Variants in EYS observed in about 807,000 individuals in gnomAD.
EYS encodes the protein protein eyes shut homolog.
Under a neutral mutation model 282.1 loss-of-function variants are expected in EYS, and 250 were observed. The ratio of observed to expected loss-of-function variants is 0.89; its 90% CI spans 0.80 to 0.98. EYS has a LOEUF of 0.98. Ranked by LOEUF, EYS falls within the 50% of genes least tolerant of loss-of-function variation. EYS has a pLI of 0.00. For synonymous variants in EYS, 1,355 were observed against 1,282.9 expected (o/e 1.06, Z -1.20); for missense variants, 4,016 against 3,709.0 (o/e 1.08, Z -2.15).
chr6:64,362,914 T>C (rs995354029), intron 29 of EYS, among the ~76,000 whole-genome samples: 10 of 151,942 alleles, frequency 6.6e-5, no homozygotes, highest in East Asian at 2.0e-4. Context: ...ATCATGTGAA[T>C]ATCCTTGTCA....
At chr6:63,727,998 A>G (rs1768684691) in intron 41 of EYS, among the ~76,000 whole-genome samples, 1 of 151,552 alleles carries the variant, frequency 6.6e-6, no homozygotes, top group Non-Finnish European at 1.5e-5. Context: ...TGTTTCTGAC[A>G]TAGGGGTTCC....
At chr6:64,549,753 T>C (rs1469494888) in intron 26 of EYS, among the ~76,000 whole-genome samples, 5 of 127,386 alleles carry the variant, frequency 3.9e-5, no homozygotes, top group Admixed American at 2.5e-4. Context: ...TTTTTTTTTA[T>C]ACTTTAAGTT....
chr6:64,036,764 CT>C (rs1408364923), intron 33 of EYS, among the ~76,000 whole-genome samples: 1 of 152,172 alleles, frequency 6.6e-6, no homozygotes, highest in African/African-American at 2.4e-5. Context: ...CTGCTAAATA[CT>C]TTGCCTATAT....
chr6:65,592,406 A>G (rs1765262179), intron 2 of EYS, among the ~76,000 whole-genome samples: 1 of 152,000 alleles, frequency 6.6e-6, no homozygotes. Flanking sequence ...TATGAAACAG[A>G]TATTTTATTA....
intron 22 of EYS, among the ~76,000 whole-genome samples, chr6:64,627,245 T>C (rs1451924642): frequency 6.6e-6 from 1 of 152,204 alleles, no homozygotes; most frequent in Non-Finnish European, 1.5e-5. Flanking sequence ...AATAGACAAG[T>C]AGCCGACACA....
At chr6:64,716,342 C>T (rs975952327) in intron 22 of EYS, among the ~76,000 whole-genome samples, 1 of 152,130 alleles carries the variant, frequency 6.6e-6, no homozygotes, top group Non-Finnish European at 1.5e-5. Context: ...TTTGCAATTG[C>T]GATATTGGTT....
chr6:64,570,474 C>T (rs542410094), intron 26 of EYS, among the ~76,000 whole-genome samples: 4 of 152,026 alleles, frequency 2.6e-5, no homozygotes, highest in Non-Finnish European at 4.4e-5. Context: ...GGCTAAATGC[C>T]TCAATTGAAA....
intron 5 of EYS, among the ~76,000 whole-genome samples, chr6:65,435,482 G>A (rs1165064922): frequency 6.6e-6 from 1 of 151,910 alleles, no homozygotes; most frequent in Non-Finnish European, 1.5e-5. Flanking sequence ...AAATGATTAT[G>A]TAAGCATGTT....
chr6:65,443,131 T>C (rs1026807427), intron 5 of EYS, among the ~76,000 whole-genome samples: 1 of 144,002 alleles, frequency 6.9e-6, no homozygotes, highest in Non-Finnish European at 1.6e-5. Flanking sequence ...TATGTACACA[T>C]CATACATATA....
At chr6:63,927,101 A>G (rs1268944254) in intron 35 of EYS, among the ~76,000 whole-genome samples, 1 of 152,222 alleles carries the variant, frequency 6.6e-6, no homozygotes, top group African/African-American at 2.4e-5. Context: ...TTGGGTTCTT[A>G]GTCTGTTCTG....
intron 32 of EYS, among the ~76,000 whole-genome samples, chr6:64,074,607 T>G (rs2149862392): frequency 6.6e-6 from 1 of 151,874 alleles, no homozygotes; most frequent in African/African-American, 2.4e-5. Flanking sequence ...CATTTATAAA[T>G]ATTCAAAAGA....
intron 11 of EYS, chr6:65,331,547 A>C: frequency 7.3e-6 from 7 of 964,796 alleles, no homozygotes; most frequent in Non-Finnish European, 8.6e-6. Context: ...GACAATATCA[A>C]GAACTCATTA....
intron 13 of EYS, among the ~76,000 whole-genome samples, chr6:65,016,123 G>T (rs537010264): frequency 2.5e-4 from 38 of 150,992 alleles, no homozygotes; most frequent in African/African-American, 8.0e-4. Context: ...CAGCACTTTG[G>T]GAGGCCGAGG....
At chr6:64,216,356 A>G (rs111873645) in intron 31 of EYS, among the ~76,000 whole-genome samples, 4,126 of 152,296 alleles carry the variant, frequency 0.027, 58 homozygotes, top group African/African-American at 0.042. Flanking sequence ...TCCAAACAGC[A>G]TCTTTTATCC....
chr6:64,798,330 T>C (rs571281300), intron 22 of EYS, among the ~76,000 whole-genome samples: 13 of 152,038 alleles, frequency 8.6e-5, no homozygotes, highest in African/African-American at 2.4e-4. Context: ...TTTTCATCCA[T>C]ACAGATATAA....
chr6:65,252,768 AAAG>A (rs1014006948), intron 12 of EYS, among the ~76,000 whole-genome samples: 28 of 152,042 alleles, frequency 1.8e-4, no homozygotes. Flanking sequence ...TAAAATATAT[AAAG>A]AAGAATTGAA....
intron 11 of EYS, among the ~76,000 whole-genome samples, chr6:65,302,120 A>C (rs1582117984): frequency 6.6e-6 from 1 of 152,140 alleles, no homozygotes; most frequent in African/African-American, 2.4e-5. Flanking sequence ...GTTTTTGAGG[A>C]GATAACTAAC....
intron 12 of EYS, among the ~76,000 whole-genome samples, chr6:65,200,453 T>A (rs1765873776): frequency 6.6e-6 from 1 of 151,254 alleles, no homozygotes; most frequent in Non-Finnish European, 1.5e-5. Context: ...AAAAGATCTT[T>A]CAGCATAAAA....
intron 41 of EYS, among the ~76,000 whole-genome samples, chr6:63,752,351 C>A (rs998104145): frequency 6.6e-6 from 1 of 150,880 alleles, no homozygotes; most frequent in African/African-American, 2.5e-5. Context: ...TAGCTTATGA[C>A]AATATATTTA....
Sources: gnomAD v4.1 joint callset for allele counts (sites outside exome capture counted in the v4.1 genomes callset) on GRCh38, gnomAD v4.1.1 for gene constraint, MANE v1.5 for transcripts, NCBI Gene and HGNC (gene_info 2026-07-23, HGNC 2026-07-21) for gene names.